SIK3: variants seen among roughly 807,000 people sequenced by gnomAD.
The protein encoded by SIK3 is serine/threonine-protein kinase SIK3.
In SIK3, 28 loss-of-function variants were observed where a neutral mutation model predicts 144.2. That is an observed-to-expected ratio of 0.19 (90% confidence interval 0.14 to 0.27). The LOEUF is 0.27. SIK3 is among the 10% of genes least tolerant of loss of function. The probability of loss-of-function intolerance (pLI) is 1.00; values close to 1 mark genes in which losing one functional copy is unlikely to be tolerated. For synonymous variants in SIK3, 686 were observed against 676.3 expected (o/e 1.01, Z -0.22); for missense variants, 1,319 against 1,776.0 (o/e 0.74, Z 4.62).
Position 116,954,073 on chromosome 11 carries a change from G to A in SIK3, c.425C>T (p.Thr142Ile). The part of the protein sequence containing the change: ...METERMIYLV[T>I]EYASGGEIFD... ...TATTTCCCCTCCACTAGCATATTCT[G>A]TCACCAGATAAATCATCCGTTCTGT... Residue 142 changes from threonine to isoleucine, a missense_variant, in exon 3 of 25, where the codon ACA becomes ATA. By Grantham distance (89) the Thr-to-Ile change is moderately conservative. Transcript: ENST00000445177. 1 of 1,613,952 alleles carries A rather than the reference G, an allele frequency of 6.2e-7. No individual in the cohort carries two copies. Among genetic ancestry groups the A allele is most frequent in the Non-Finnish European group, 8.5e-7 (1 of 1,179,922 alleles).
intron 11 of SIK3, among the ~76,000 whole-genome samples, chr11:116,874,663 G>C (rs2134546774): frequency 6.6e-6 from 1 of 152,316 alleles, no homozygotes; most frequent in East Asian, 1.9e-4. Context: ...CATAAAGCAA[G>C]CACATCAGCA....
At chr11:117,080,177 C>A (rs1954724225) in intron 1 of SIK3, among the ~76,000 whole-genome samples, 1 of 152,128 alleles carries the variant, frequency 6.6e-6, no homozygotes, top group South Asian at 2.1e-4. Flanking sequence ...TAATAAGTAA[C>A]TACAAATAAT....
At chr11:117,043,209 T>C (rs1421392793) in intron 1 of SIK3, among the ~76,000 whole-genome samples, 2 of 151,992 alleles carry the variant, frequency 1.3e-5, no homozygotes, top group African/African-American at 4.8e-5. Flanking sequence ...ATGAAACAAC[T>C]CAATAGACTA....
In SIK3 at chr11:116,863,704, T is replaced by A; in HGVS notation, c.2067A>T (p.Lys689Asn). ...SIQAFKAHLE[K>N]MGNNSSIKQL... Reference sequence around the variant, plus strand: ...GTTTGATGCTGCTGTTGTTGCCCATTTTTTCCAGGTGAGCTTTGAAGGCCT... The same window carrying A: ...GTTTGATGCTGCTGTTGTTGCCCATATTTTCCAGGTGAGCTTTGAAGGCCT... Residue 689 changes from lysine to asparagine, a missense_variant, in exon 16 of 25, where the codon AAA (lysine) becomes AAT (asparagine). Lys to Asn is a moderately conservative substitution (Grantham distance 94). Transcript: ENST00000445177. The A allele has an allele frequency of 6.2e-7, 1 of 1,614,134 alleles. No homozygotes were observed. The highest frequency in any genetic ancestry group is 8.5e-7 in the Non-Finnish European group (1 of 1,180,006).
At chr11:117,086,564 G>A (rs974077645) in intron 1 of SIK3, among the ~76,000 whole-genome samples, 4 of 151,964 alleles carry the variant, frequency 2.6e-5, no homozygotes, top group Middle Eastern at 3.4e-3. Flanking sequence ...GGTGGTGGGC[G>A]CCCGTAGTCC....
intron 1 of SIK3, among the ~76,000 whole-genome samples, chr11:117,019,987 G>C (rs776979892): frequency 5.9e-5 from 9 of 151,934 alleles, no homozygotes; most frequent in Non-Finnish European, 1.0e-4. Flanking sequence ...ATTTGTACTT[G>C]AAAGATAACA....
chr11:117,076,162 C>T (rs1180929881), intron 1 of SIK3, among the ~76,000 whole-genome samples: 4 of 151,814 alleles, frequency 2.6e-5, no homozygotes, highest in Non-Finnish European at 4.4e-5. Context: ...TACTGATACT[C>T]GTAAAACTTA....
At chr11:117,027,176 C>T (rs1591564430) in intron 1 of SIK3, among the ~76,000 whole-genome samples, 1 of 152,178 alleles carries the variant, frequency 6.6e-6, no homozygotes, top group South Asian at 2.1e-4. Context: ...ACCCATCAGA[C>T]TTAAAGGTTA....
At chr11:116,860,687 C>T (rs1190052330) in intron 19 of SIK3, among the ~76,000 whole-genome samples, 4 of 152,184 alleles carry the variant, frequency 2.6e-5, no homozygotes, top group Non-Finnish European at 5.9e-5. Context: ...ACATACTGTA[C>T]CATAATTATC....
intron 1 of SIK3, among the ~76,000 whole-genome samples, chr11:117,069,954 T>C (rs935607840): frequency 6.6e-6 from 1 of 152,244 alleles, no homozygotes; most frequent in South Asian, 2.1e-4. Flanking sequence ...CTTTAAGTTA[T>C]TACATTCTCC....
At chr11:116,930,828 T>G (rs923921486) in intron 3 of SIK3, among the ~76,000 whole-genome samples, 1 of 147,872 alleles carries the variant, frequency 6.8e-6, no homozygotes, top group Non-Finnish European at 1.5e-5. Context: ...TAAAGTCAAG[T>G]CCATCACACT....
At chr11:117,044,736 T>C (rs1952885586) in intron 1 of SIK3, among the ~76,000 whole-genome samples, 1 of 152,026 alleles carries the variant, frequency 6.6e-6, no homozygotes, top group Non-Finnish European at 1.5e-5. Context: ...AAAAAAGAAA[T>C]TAGCCAGAAG....
chr11:116,982,891 CT>C (rs1950194234), intron 1 of SIK3, among the ~76,000 whole-genome samples: 1 of 138,268 alleles, frequency 7.2e-6, no homozygotes, highest in African/African-American at 2.7e-5. Flanking sequence ...TGGCAGTGAG[CT>C]CAGATCACAC....
At chr11:117,074,108 C>T (rs1954398601) in intron 1 of SIK3, among the ~76,000 whole-genome samples, 1 of 152,176 alleles carries the variant, frequency 6.6e-6, no homozygotes, top group Non-Finnish European at 1.5e-5. Context: ...CAGTCCCCAG[C>T]TTCTCCAGAA....
At chr11:117,038,388 G>T (rs927702276) in intron 1 of SIK3, among the ~76,000 whole-genome samples, 1 of 144,558 alleles carries the variant, frequency 6.9e-6, no homozygotes, top group Non-Finnish European at 1.5e-5. Flanking sequence ...ACAGAGTCTC[G>T]CTCTGTCTCC....
chr11:116,922,905 CTCTTTTTTT>C (rs1947071094), intron 4 of SIK3, among the ~76,000 whole-genome samples: 2 of 118,690 alleles, frequency 1.7e-5, no homozygotes, highest in African/African-American at 3.5e-5. Flanking sequence ...CTTTTCTTTT[CTCTTTTTTT>C]TTTTTTTTTT....
intron 1 of SIK3, among the ~76,000 whole-genome samples, chr11:117,013,901 GGGGGGGGGGGGAGGGTGTGTGT>G (rs1409534421): frequency 3.3e-5 from 2 of 59,730 alleles, no homozygotes; most frequent in African/African-American, 5.4e-5. Flanking sequence ...AGATTCTGAG[GGGGGGGGGGGGAGGGTGTGTGT>G]GTGTGTGTGT....
rs1406661632 is a variant in SIK3 at position 117,023,619 on chromosome 11, AAAATAT to A, written c.274-66561_274-66556del. On this transcript the variant is annotated intron_variant, in intron 1 of 24. Transcript: ENST00000445177. ...AAACAAACAAACAAACAAAAAAAAA[AAAATAT>A]ATATATATATATATATATATTGCAC... Among the ~76,000 whole-genome samples the A allele has an allele frequency of 1.2e-3, 120 of 99,806 alleles. 1 individual carries two copies. Among genetic ancestry groups the A allele is most frequent in the South Asian group, 8.4e-3 (28 of 3,334 alleles). 65.5% of individuals were successfully genotyped at this position (99,806 alleles called of 152,430 possible).
chr11:117,029,986 G>A (rs774607416), intron 1 of SIK3, among the ~76,000 whole-genome samples: 6 of 151,910 alleles, frequency 3.9e-5, no homozygotes, highest in Non-Finnish European at 8.8e-5. Flanking sequence ...GGAGAGCACA[G>A]AACCTAAGGA....
Sources: allele counts gnomAD v4.1 joint callset (sites outside exome capture counted in the v4.1 genomes callset), GRCh38; gene constraint gnomAD v4.1.1; transcripts MANE v1.5; gene names NCBI Gene and HGNC (gene_info 2026-07-23, HGNC 2026-07-21).